CNTNAP2: variants seen among roughly 807,000 people sequenced by gnomAD.
CNTNAP2 encodes contactin-associated protein-like 2.
In CNTNAP2, 98 loss-of-function variants were observed where a neutral mutation model predicts 155.2. The ratio of observed to expected loss-of-function variants is 0.63; its 90% CI spans 0.54 to 0.75. The LOEUF is 0.75. Among genes scored for constraint, CNTNAP2 ranks in the 30% least tolerant of loss-of-function variants. CNTNAP2 has a pLI of 0.00. For missense variants in CNTNAP2, 1,727 were observed against 1,688.1 expected (o/e 1.02, Z -0.40); for synonymous variants, 651 against 631.2 (o/e 1.03, Z -0.47).
At chr7:147,188,223 T>C (rs1209816903) in intron 8 of CNTNAP2, among the ~76,000 whole-genome samples, 1 of 152,156 alleles carries the variant, frequency 6.6e-6, no homozygotes, top group Non-Finnish European at 1.5e-5. Context: ...GAGTTTAACA[T>C]AAACAACATG....
intron 1 of CNTNAP2, among the ~76,000 whole-genome samples, chr7:146,203,285 A>G (rs748121909): frequency 3.9e-5 from 6 of 152,196 alleles, no homozygotes; most frequent in Non-Finnish European, 7.3e-5. Context: ...CCACTTCAGA[A>G]GTCAACAGAA....
At chr7:147,398,140 T>A (rs957948336) in intron 10 of CNTNAP2, among the ~76,000 whole-genome samples, 2 of 152,188 alleles carry the variant, frequency 1.3e-5, no homozygotes. Flanking sequence ...ATTGATGATA[T>A]CACCCTTAAT....
At chr7:147,059,658 A>G (rs79507460) in intron 4 of CNTNAP2, among the ~76,000 whole-genome samples, 9,834 of 152,230 alleles carry the variant, frequency 0.065, 422 homozygotes, top group Middle Eastern at 0.13. Context: ...GGAGCTAGGA[A>G]CTGAGCAATA....
At chr7:146,774,765 T>C (rs1802358647) in intron 2 of CNTNAP2, among the ~76,000 whole-genome samples, 1 of 152,202 alleles carries the variant, frequency 6.6e-6, no homozygotes, top group African/African-American at 2.4e-5. Context: ...TTGTATTTAC[T>C]GTATATTAAT....
intron 15 of CNTNAP2, among the ~76,000 whole-genome samples, chr7:148,108,425 A>G (rs1804270712): frequency 6.6e-6 from 1 of 151,816 alleles, no homozygotes; most frequent in Admixed American, 6.6e-5. Flanking sequence ...GAAGCTAGTG[A>G]GGGAGCAGAG....
At chr7:148,219,215 C>T (rs1349974990) in intron 19 of CNTNAP2, among the ~76,000 whole-genome samples, 2 of 152,138 alleles carry the variant, frequency 1.3e-5, no homozygotes, top group Non-Finnish European at 2.9e-5. Context: ...GCTGGGATTA[C>T]TGGTGTGAAC....
chr7:147,038,112 T>C (rs886531353), intron 3 of CNTNAP2, among the ~76,000 whole-genome samples: 1 of 152,140 alleles, frequency 6.6e-6, no homozygotes, highest in Non-Finnish European at 1.5e-5. Context: ...GCTATGACTG[T>C]GCCACTGTAC....
intron 1 of CNTNAP2, among the ~76,000 whole-genome samples, chr7:146,301,905 G>T (rs1257982431): frequency 1.3e-5 from 2 of 152,064 alleles, no homozygotes; most frequent in Non-Finnish European, 2.9e-5. Flanking sequence ...AATGATTATG[G>T]CTAAGTTGTA....
intron 1 of CNTNAP2, among the ~76,000 whole-genome samples, chr7:146,489,526 A>C (rs1331646946): frequency 6.6e-6 from 1 of 152,062 alleles, no homozygotes; most frequent in East Asian, 1.9e-4. Context: ...TTCTCAGCCA[A>C]TTTGCCAACT....
intron 14 of CNTNAP2, among the ~76,000 whole-genome samples, chr7:147,923,169 G>A (rs1458417890): frequency 1.3e-5 from 2 of 152,172 alleles, no homozygotes; most frequent in African/African-American, 4.8e-5. Context: ...AGTGTTAACA[G>A]TTGAATTGTG....
At chr7:146,650,741 G>A (rs777113631) in intron 1 of CNTNAP2, among the ~76,000 whole-genome samples, 72 of 152,054 alleles carry the variant, frequency 4.7e-4, no homozygotes, top group Admixed American at 2.0e-4. Flanking sequence ...AATGGAAAGA[G>A]TACATTGTAA....
chr7:148,224,378 G>A (rs183753528), intron 19 of CNTNAP2, among the ~76,000 whole-genome samples: 20 of 152,322 alleles, frequency 1.3e-4, no homozygotes, highest in Non-Finnish European at 2.5e-4. Flanking sequence ...CAAGAAGTAG[G>A]AGCAGCATAT....
At chr7:146,992,802 C>T (rs1798234031) in intron 3 of CNTNAP2, among the ~76,000 whole-genome samples, 2 of 152,006 alleles carry the variant, frequency 1.3e-5, no homozygotes, top group African/African-American at 4.8e-5. Flanking sequence ...TAAATAAATC[C>T]TTGCTAGGAC....
At chr7:147,311,037 A>C (rs1436364341) in intron 9 of CNTNAP2, among the ~76,000 whole-genome samples, 1 of 152,146 alleles carries the variant, frequency 6.6e-6, no homozygotes, top group African/African-American at 2.4e-5. Context: ...GTGCAGGAGG[A>C]ACGTGGTCAG....
At chr7:146,434,053 G>C (rs1347007384) in intron 1 of CNTNAP2, among the ~76,000 whole-genome samples, 2 of 152,100 alleles carry the variant, frequency 1.3e-5, no homozygotes, top group Non-Finnish European at 2.9e-5. Context: ...CATTTTTACA[G>C]AGTATTTAAG....
chr7:147,751,265 T>A (rs183077449), intron 13 of CNTNAP2, among the ~76,000 whole-genome samples: 4 of 151,874 alleles, frequency 2.6e-5, no homozygotes, highest in Admixed American at 2.6e-4. Context: ...AAAACTGATG[T>A]ATTTATTTAT....
rs548667286 is a variant in CNTNAP2 at position 146,787,095 on chromosome 7, G to C, written c.208+12714G>C. On this transcript the variant is annotated intron_variant, in intron 2 of 23. Transcript: ENST00000361727. ...CATATTTGGATGGATAACGAATTGG[G>C]TTTTGTTTTGTTTTCAACCCTCTGC... 1.1e-3 allele frequency among the ~76,000 whole-genome samples: 167 copies of C among 152,270 alleles called. 1 individual carries two copies. Among genetic ancestry groups the C allele is most frequent in the African/African-American group, 3.8e-3 (158 of 41,562 alleles).
At chr7:147,733,825 T>C (rs1414426766) in intron 13 of CNTNAP2, among the ~76,000 whole-genome samples, 4 of 152,060 alleles carry the variant, frequency 2.6e-5, no homozygotes, top group East Asian at 1.9e-4. Flanking sequence ...CTGTCTGTTA[T>C]TGGTGTATAA....
chr7:147,398,385 A>T, intron 10 of CNTNAP2, among the ~76,000 whole-genome samples: 1 of 134,604 alleles, frequency 7.4e-6, no homozygotes, highest in East Asian at 2.2e-4. Context: ...GATCGATTTG[A>T]GAGTTATTTT....
Sources: allele counts gnomAD v4.1 joint callset (sites outside exome capture counted in the v4.1 genomes callset), GRCh38; gene constraint gnomAD v4.1.1; transcripts MANE v1.5; gene names NCBI Gene and HGNC (gene_info 2026-07-23, HGNC 2026-07-21).